FHIT: variants seen among roughly 807,000 people sequenced by gnomAD.
FHIT encodes fragile histidine triad diadenosine triphosphatase, also known as bis(5'-adenosyl)-triphosphatase.
Under a neutral mutation model 17.9 loss-of-function variants are expected in FHIT, and 19 were observed. The ratio of observed to expected loss-of-function variants is 1.06; its 90% CI spans 0.74 to 1.56. The LOEUF is 1.56. FHIT is among the 40% of genes most tolerant of loss of function. FHIT has a pLI of 0.00. For synonymous variants in FHIT, 81 were observed against 69.7 expected (o/e 1.16, Z -0.81); for missense variants, 248 against 189.2 (o/e 1.31, Z -1.82).
chr3:60,221,314 T>C (rs1005672007), intron 5 of FHIT, among the ~76,000 whole-genome samples: 2 of 152,094 alleles, frequency 1.3e-5, no homozygotes, highest in African/African-American at 2.4e-5. Context: ...CTCATAATAG[T>C]AGACAACTTC....
chr3:60,066,983 C>G (rs1196693961), intron 5 of FHIT, among the ~76,000 whole-genome samples: 1 of 152,092 alleles, frequency 6.6e-6, no homozygotes, highest in Non-Finnish European at 1.5e-5. Flanking sequence ...CACAGCGCTT[C>G]ATGTTTTGCT....
At chr3:60,568,603 A>G (rs1428199183) in intron 4 of FHIT, among the ~76,000 whole-genome samples, 3 of 151,474 alleles carry the variant, frequency 2.0e-5, no homozygotes, top group Non-Finnish European at 3.0e-5. Context: ...AACTTAAAGT[A>G]TAATAAAAAT....
intron 2 of FHIT, among the ~76,000 whole-genome samples, chr3:61,165,252 C>T (rs777923648): frequency 3.3e-5 from 5 of 152,170 alleles, no homozygotes; most frequent in East Asian, 3.9e-4. Flanking sequence ...TTTACATTCT[C>T]GACAACAGTT....
intron 5 of FHIT, among the ~76,000 whole-genome samples, chr3:60,448,082 G>A (rs747775391): frequency 1.2e-4 from 19 of 152,292 alleles, no homozygotes; most frequent in South Asian, 8.3e-4. Context: ...CGTAGCAGAA[G>A]CCTTGGAAGG....
intron 4 of FHIT, among the ~76,000 whole-genome samples, chr3:60,588,621 C>T (rs1342202095): frequency 6.6e-6 from 1 of 152,014 alleles, no homozygotes; most frequent in Non-Finnish European, 1.5e-5. Flanking sequence ...ACTGCATTTG[C>T]ACACACTCCT....
chr3:60,875,458 C>A (rs1173555404), intron 3 of FHIT, among the ~76,000 whole-genome samples: 1 of 152,160 alleles, frequency 6.6e-6, no homozygotes, highest in Non-Finnish European at 1.5e-5. Context: ...ATCCTCAAAC[C>A]TTTTCTGCCC....
At chr3:60,352,504 T>A (rs1010587324) in intron 5 of FHIT, among the ~76,000 whole-genome samples, 6 of 152,066 alleles carry the variant, frequency 3.9e-5, no homozygotes, top group South Asian at 2.1e-4. Context: ...ATTTCTTTTT[T>A]AAAATTTTTT....
At chr3:59,967,989 G>A (rs879539214) in intron 7 of FHIT, among the ~76,000 whole-genome samples, 3 of 152,082 alleles carry the variant, frequency 2.0e-5, no homozygotes, top group South Asian at 2.1e-4. Context: ...ATACCTTTGC[G>A]AAGCATGTCA....
intron 4 of FHIT, among the ~76,000 whole-genome samples, chr3:60,651,791 C>T (rs906669461): frequency 6.6e-6 from 1 of 152,116 alleles, no homozygotes; most frequent in African/African-American, 2.4e-5. Context: ...AAATGAAGAG[C>T]TACATGGTAT....
chr3:59,848,230 T>A (rs370977464), intron 8 of FHIT, among the ~76,000 whole-genome samples: 1 of 152,154 alleles, frequency 6.6e-6, no homozygotes, highest in South Asian at 2.1e-4. Flanking sequence ...TGAAATTGAT[T>A]GAAATTAATC....
chr3:60,378,756 C>T (rs558995713), intron 5 of FHIT, among the ~76,000 whole-genome samples: 3 of 152,306 alleles, frequency 2.0e-5, no homozygotes, highest in African/African-American at 7.2e-5. Flanking sequence ...GTTAGCAATG[C>T]CTGACCTTCA....
chr3:60,746,808 T>A (rs997926667), intron 4 of FHIT, among the ~76,000 whole-genome samples: 2 of 152,196 alleles, frequency 1.3e-5, no homozygotes, highest in Non-Finnish European at 2.9e-5. Flanking sequence ...GTGGCTTGAA[T>A]TAGATATATG....
chr3:61,130,531 GA>G (rs1210305623), intron 2 of FHIT, among the ~76,000 whole-genome samples: 1 of 152,130 alleles, frequency 6.6e-6, no homozygotes, highest in Non-Finnish European at 1.5e-5. Flanking sequence ...TGGGGAAATG[GA>G]AAACTATAAG....
At chr3:61,177,960 AT>A (rs1226670114) in intron 2 of FHIT, among the ~76,000 whole-genome samples, 1 of 152,176 alleles carries the variant, frequency 6.6e-6, no homozygotes, top group East Asian at 1.9e-4. Context: ...TTCTGTAAAA[AT>A]AAAAATTAAA....
chr3:60,733,406 A>G (rs1735476), intron 4 of FHIT, among the ~76,000 whole-genome samples: 41,326 of 152,056 alleles, frequency 0.27, 5,828 homozygotes, highest in African/African-American at 0.31. Flanking sequence ...CCTGTGTAGC[A>G]CACATCTGGT....
chr3:61,008,485 A>T (rs1378176076), intron 3 of FHIT, among the ~76,000 whole-genome samples: 1 of 152,178 alleles, frequency 6.6e-6, no homozygotes, highest in Non-Finnish European at 1.5e-5. Flanking sequence ...AGGAAGAAAA[A>T]AAAAAATGAC....
At chr3:60,941,631 A>C (rs1708411085) in intron 3 of FHIT, among the ~76,000 whole-genome samples, 1 of 152,182 alleles carries the variant, frequency 6.6e-6, no homozygotes, top group Non-Finnish European at 1.5e-5. Flanking sequence ...CAAAGAGAAA[A>C]TTTGTTTGCA....
intron 4 of FHIT, among the ~76,000 whole-genome samples, chr3:60,610,864 G>A (rs1260795892): frequency 1.3e-5 from 2 of 152,106 alleles, no homozygotes; most frequent in East Asian, 1.9e-4. Context: ...AGGAGGCATG[G>A]TGCAATGATG....
At chr3:60,612,279 G>A (rs1368314402) in intron 4 of FHIT, among the ~76,000 whole-genome samples, 1 of 152,038 alleles carries the variant, frequency 6.6e-6, no homozygotes, top group African/African-American at 2.4e-5. Context: ...CACAAATTGA[G>A]AGCCATCTAA....
Sources: allele counts gnomAD v4.1 joint callset (sites outside exome capture counted in the v4.1 genomes callset), GRCh38; gene constraint gnomAD v4.1.1; transcripts MANE v1.5; gene names NCBI Gene and HGNC (gene_info 2026-07-23, HGNC 2026-07-21).